SFI1: variants seen among roughly 807,000 people sequenced by gnomAD.
The protein encoded by SFI1 is protein SFI1 homolog.
SFI1 carries 195 observed loss-of-function variants against 207.5 expected under a neutral mutation model. That is an observed-to-expected ratio of 0.94 (90% CI 0.84 to 1.06). The LOEUF (loss-of-function observed/expected upper bound fraction) is 1.06. SFI1 is among the 50% of genes least tolerant of loss of function. The pLI is 0.00. For missense variants in SFI1, 1,634 were observed against 1,588.0 expected, an observed-to-expected ratio of 1.03 and a Z score of -0.49; for synonymous variants, 630 against 598.9, an observed-to-expected ratio of 1.05 and a Z score of -0.76.
chr22:31,509,535 C>T (rs2055177615), intron 2 of SFI1, among the ~76,000 whole-genome samples: 1 of 152,190 alleles, frequency 6.6e-6, no homozygotes, highest in African/African-American at 2.4e-5. Context: ...CTACCTTCTG[C>T]CTGCTTTTCC....
chr22:31,563,692 TC>T (rs1202914344), intron 8 of SFI1, among the ~76,000 whole-genome samples: 2 of 151,686 alleles, frequency 1.3e-5, no homozygotes, highest in African/African-American at 4.8e-5. Context: ...TTCAAGCGAT[TC>T]TCCTGCCTCA....
chr22:31,559,924 G>A, intron 7 of SFI1: 1 of 585,094 alleles, frequency 1.7e-6, no homozygotes, highest in Non-Finnish European at 3.1e-6. Context: ...CCATGGGCGG[G>A]TCCAAGAAGA....
At chr22:31,575,137 C>T in intron 9 of SFI1, 94 bp from the exon 10 acceptor site, 7 of 1,139,916 alleles carry the variant, frequency 6.1e-6, no homozygotes, top group African/African-American at 1.6e-5. Context: ...TGAACCCCTG[C>T]TCTCTGCCAG....
chr22:31,589,207 TGTGC>T (rs1337079553), intron 14 of SFI1, among the ~76,000 whole-genome samples: 2 of 64,674 alleles, frequency 3.1e-5, no homozygotes, highest in Admixed American at 1.5e-4. Flanking sequence ...TGTGTATGTG[TGTGC>T]GTGTGTGTGT....
chr22:31,540,961 C>T (rs1168656079), intron 4 of SFI1, among the ~76,000 whole-genome samples: 2 of 152,186 alleles, frequency 1.3e-5, no homozygotes, highest in Non-Finnish European at 2.9e-5. Flanking sequence ...TGGTCTAGGA[C>T]CATCTCCCAA....
intron 27 of SFI1, 92 bp downstream of exon 27, chr22:31,613,947 G>A: frequency 2.8e-6 from 4 of 1,436,016 alleles, no homozygotes; most frequent in South Asian, 2.9e-5. Context: ...GACGGGATGG[G>A]ACGGGCTGGT....
At chr22:31,532,085 TAAG>T (rs1401552121) in intron 4 of SFI1, among the ~76,000 whole-genome samples, 2 of 151,428 alleles carry the variant, frequency 1.3e-5, no homozygotes, top group African/African-American at 4.9e-5. Context: ...TGAATAAAAA[TAAG>T]AATAAAAAAG....
Position 31,575,216 on chromosome 22 carries a change from A to AT in SFI1, c.923-12dup, listed in dbSNP as rs2063360711. 1.9e-6 allele frequency: 3 copies of AT among 1,595,704 alleles called. No individual in the cohort carries two copies. The highest frequency in any genetic ancestry group is 2.3e-5 in the South Asian group (2 of 87,988). Reference sequence around the variant, plus strand: ...ACCTTAGGGGAGTAGCACTTAAGTTATTTCTCTGTTGCAGAGATGGCTGAG... The same window carrying AT: ...ACCTTAGGGGAGTAGCACTTAAGTTATTTTCTCTGTTGCAGAGATGGCTGAG... On this transcript the variant is annotated splice_polypyrimidine_tract_variant and intron_variant, in intron 9 of 32. Coordinates refer to ENST00000400288, the MANE Select transcript of SFI1 (RefSeq NM_001007467.3).
intron 4 of SFI1, among the ~76,000 whole-genome samples, chr22:31,544,715 A>G (rs909570691): frequency 3.3e-5 from 5 of 152,238 alleles, no homozygotes; most frequent in African/African-American, 9.6e-5. Flanking sequence ...TGACTGTACC[A>G]CTGCATTCCA....
chr22:31,592,878 C>G (rs1240398642), intron 15 of SFI1, among the ~76,000 whole-genome samples: 1 of 133,560 alleles, frequency 7.5e-6, no homozygotes, highest in South Asian at 2.4e-4. Context: ...CATCTCCCTC[C>G]CGGACGGGCT....
chr22:31,515,169 G>T (rs1302435065), intron 2 of SFI1, among the ~76,000 whole-genome samples: 1 of 152,066 alleles, frequency 6.6e-6, no homozygotes, highest in Non-Finnish European at 1.5e-5. Context: ...CCTCAGAATA[G>T]ATTGTGGACC....
rs1233942121 is a variant in SFI1 at position 31,617,032 on chromosome 22, A to C, written c.3466A>C (p.Ile1156Leu). The change falls in exon 31 of 33, where the codon ATC becomes CTC. Residue 1156 changes from isoleucine to leucine, a missense_variant. Coordinates refer to ENST00000400288, the MANE Select transcript of SFI1 (RefSeq NM_001007467.3). ...SLDLEAELEE[I>L]QQQLLHYQTT... ...GGACCTTGAGGCTGAACTTGAGGAG[A>C]TCCAGCAGCAACTACTGCACTACCA... 6.2e-7 allele frequency: 1 copy of C among 1,613,960 alleles called. No homozygotes were observed. The highest frequency in any genetic ancestry group is 1.1e-5 in the South Asian group (1 of 91,070).
In SFI1 at chr22:31,513,811, C is replaced by T. The variant is rs541861869; in HGVS notation, c.92+5435C>T. Among the ~76,000 whole-genome samples the T allele has an allele frequency of 1.5e-4, 23 of 151,662 alleles. No homozygotes were observed. In the South Asian group the frequency reaches 4.8e-3, roughly 32 times the overall value. On this transcript the variant is annotated intron_variant, in intron 2 of 32. Coordinates refer to ENST00000400288, the MANE Select transcript of SFI1 (RefSeq NM_001007467.3). ...GATCAGGCTGGTCTCAAACTCCTGACCTCGTGATCCGCCCACCTCAGCCTC... is the reference window on the plus strand; with the variant it reads ...GATCAGGCTGGTCTCAAACTCCTGATCTCGTGATCCGCCCACCTCAGCCTC...
intron 2 of SFI1, among the ~76,000 whole-genome samples, chr22:31,515,128 C>T (rs1313541680): frequency 6.6e-6 from 1 of 151,876 alleles, no homozygotes; most frequent in African/African-American, 2.4e-5. Context: ...TTTGGTATCA[C>T]ACTTTGATAA....
intron 11 of SFI1, among the ~76,000 whole-genome samples, chr22:31,579,610 C>T (rs1357795106): frequency 2.6e-5 from 4 of 152,128 alleles, no homozygotes; most frequent in South Asian, 2.1e-4. Flanking sequence ...CCACCACGCC[C>T]GGCCTAATTT....
At chr22:31,565,960 T>C (rs138591426) in intron 8 of SFI1, among the ~76,000 whole-genome samples, 1,776 of 152,212 alleles carry the variant, frequency 0.012, 10 homozygotes, top group Middle Eastern at 0.031. Context: ...TGAGCCACCA[T>C]GCCTGGCCCT....
chr22:31,496,787 C>T (rs570239321), intron 1 of SFI1, 150 bp downstream of exon 1: 3 of 152,386 alleles, frequency 2.0e-5, no homozygotes, highest in African/African-American at 2.4e-5. Context: ...GTGATGTTGT[C>T]TACCTGCGGG....
intron 13 of SFI1, 66 bp from the exon 14 acceptor site, chr22:31,585,002 A>T: frequency 6.7e-7 from 1 of 1,482,636 alleles, no homozygotes; most frequent in South Asian, 1.2e-5. Flanking sequence ...CTGTACCGCA[A>T]TTTACCTGCC....
chr22:31,511,528 C>T lies in SFI1; in HGVS notation c.92+3152C>T, dbSNP rs1338916231. 5.1e-5 allele frequency among the ~76,000 whole-genome samples: 7 copies of T among 138,510 alleles called. No individual in the cohort carries two copies. The Admixed American group carries it at 5.8e-4, about 12-fold the overall frequency. The allele number at this position is 138,510 out of a possible 152,430, so 90.9% of individuals were successfully genotyped here. ...CTGTCGCTCAGGTTGGAGTGCATGG[C>T]GCGATCTCCGCTCACTGCAACCTCT... On this transcript the variant is annotated intron_variant, in intron 2 of 32. Coordinates refer to ENST00000400288, the MANE Select transcript of SFI1 (RefSeq NM_001007467.3).
Sources: gnomAD v4.1 joint callset for allele counts (sites outside exome capture counted in the v4.1 genomes callset) on GRCh38, gnomAD v4.1.1 for gene constraint, MANE v1.5 for transcripts, NCBI Gene and HGNC (gene_info 2026-07-23, HGNC 2026-07-21) for gene names.